WFDC10B: variants seen among roughly 807,000 people sequenced by gnomAD.
WFDC10B encodes the protein protein WFDC10B.
In WFDC10B, 1 loss-of-function variant was observed where a neutral mutation model predicts 2.7. The ratio of observed to expected loss-of-function variants is 0.38; its 90% CI spans 0.13 to 1.79. The LOEUF (loss-of-function observed/expected upper bound fraction) is 1.79, where lower values mean the gene tolerates loss of function less well. WFDC10B is among the 40% of genes most tolerant of loss of function. The pLI, the probability that WFDC10B is intolerant of heterozygous loss-of-function variation, is 0.33. For missense variants in WFDC10B, 71 were observed against 87.8 expected (o/e 0.81, Z 0.76); for synonymous variants, 26 against 32.2 (o/e 0.81, Z 0.65).
intron 2 of WFDC10B, among the ~76,000 whole-genome samples, chr20:45,692,814 T>G (rs1251634330): frequency 6.6e-6 from 1 of 152,230 alleles, no homozygotes; most frequent in African/African-American, 2.4e-5. Context: ...GTCTGAAGCC[T>G]TCTTCTCTCA....
At position 45,685,931 on chromosome 20, in the gene WFDC10B, C is replaced by T. The variant is rs914866617; in HGVS notation, c.62G>A (p.Gly21Glu). 7 of 1,614,152 alleles carry T rather than the reference C, an allele frequency of 4.3e-6. No homozygotes were observed. The highest frequency in any genetic ancestry group is 5.1e-6 in the Non-Finnish European group (6 of 1,180,038). Reference sequence around the variant, plus strand: ...CATCCTCATCTTGTCACGGTATCCTCCCTGGGCCTGCAGCAGCAGCACACA... The same window carrying T: ...CATCCTCATCTTGTCACGGTATCCTTCCTGGGCCTGCAGCAGCAGCACACA... Reference protein sequence around the residue: ...VLCVLLLQAQGGYRDKMRMQR... With the variant: ...VLCVLLLQAQEGYRDKMRMQR... The change falls in exon 3 of 4, where the codon GGA (glycine) becomes GAA (glutamate). Residue 21 changes from glycine (G) to glutamate (E), a missense_variant. By Grantham distance (98) the Gly-to-Glu change is moderately conservative. Transcript: ENST00000330523.
chr20:45,704,643 G>A, intron 1 of WFDC10B, 82 bp from the exon 2 acceptor site: 1 of 1,600,310 alleles, frequency 6.2e-7, no homozygotes, highest in Non-Finnish European at 8.5e-7. Context: ...GCTGGTGGGA[G>A]CCCAGCAGAA....
At chr20:45,704,868 A>G in intron 1 of WFDC10B, 50 bp downstream of exon 1, 1 of 1,587,928 alleles carries the variant, frequency 6.3e-7, no homozygotes, top group Non-Finnish European at 8.6e-7. Flanking sequence ...GCCTTTATCC[A>G]CAGACCTTCC....
At chr20:45,689,434 T>C (rs1277407965) in intron 2 of WFDC10B, among the ~76,000 whole-genome samples, 5 of 152,070 alleles carry the variant, frequency 3.3e-5, no homozygotes, top group African/African-American at 9.7e-5. Flanking sequence ...CCTTGGGCAG[T>C]ATGGCCATTT....
At chr20:45,686,464 C>T (rs891778252) in intron 2 of WFDC10B, among the ~76,000 whole-genome samples, 1 of 151,618 alleles carries the variant, frequency 6.6e-6, no homozygotes, top group East Asian at 1.9e-4. Context: ...TGTTACCTAC[C>T]GTCTGCCACC....
intron 2 of WFDC10B, among the ~76,000 whole-genome samples, chr20:45,697,378 C>CCTT (rs1340438503): frequency 2.1e-5 from 2 of 97,358 alleles, no homozygotes; most frequent in South Asian, 4.6e-4. Context: ...GACATCCCAT[C>CCTT]ATTTTTTTTT....
In WFDC10B at chr20:45,686,049, A is replaced by T. The variant is rs530139660; in HGVS notation, c.-57T>A. ...GCCAGGCAGTCACAGACTTCCCTGC[A>T]GAGCTGCCTGTGGAGAGGGAAGGAA... On this transcript the variant is annotated 5_prime_UTR_variant, in exon 3 of 4. Transcript: ENST00000330523. 1 of 1,591,794 alleles carries T rather than the reference A, an allele frequency of 6.3e-7. No homozygotes were observed. The highest frequency in any genetic ancestry group is 2.3e-5 in the East Asian group (1 of 43,758).
chr20:45,690,018 C>G (rs1983756143), intron 2 of WFDC10B, among the ~76,000 whole-genome samples: 1 of 152,014 alleles, frequency 6.6e-6, no homozygotes, highest in African/African-American at 2.4e-5. Context: ...TACGTCCCAT[C>G]AATACCTAAT....
intron 3 of WFDC10B, 21 bp from the exon 4 acceptor site, chr20:45,684,981 G>C: frequency 6.2e-7 from 1 of 1,613,246 alleles, no homozygotes; most frequent in Non-Finnish European, 8.5e-7. Flanking sequence ...GCAGGAGCAG[G>C]GTCAATGAAA....
At chr20:45,700,582 ATG>A (rs1410438956) in intron 2 of WFDC10B, among the ~76,000 whole-genome samples, 3 of 152,236 alleles carry the variant, frequency 2.0e-5, no homozygotes, top group Non-Finnish European at 2.9e-5. Flanking sequence ...GGATATAAAA[ATG>A]TTATCATCTC....
intron 2 of WFDC10B, among the ~76,000 whole-genome samples, chr20:45,702,992 A>C (rs1984228932): frequency 6.6e-6 from 1 of 152,338 alleles, no homozygotes; most frequent in East Asian, 1.9e-4. Flanking sequence ...AAAGGCATGC[A>C]GGTTTGTAGG....
At chr20:45,702,404 C>T (rs6032445) in intron 2 of WFDC10B, among the ~76,000 whole-genome samples, 89,845 of 152,066 alleles carry the variant, frequency 0.59, 27,596 homozygotes, top group East Asian at 0.98. Flanking sequence ...ATCTGGGCCT[C>T]AGGTTTTTAT....
At chr20:45,699,912 C>A (rs1984098035) in intron 2 of WFDC10B, among the ~76,000 whole-genome samples, 1 of 152,214 alleles carries the variant, frequency 6.6e-6, no homozygotes. Flanking sequence ...CTCCTGACAT[C>A]ATGATCTGCC....
intron 2 of WFDC10B, among the ~76,000 whole-genome samples, chr20:45,699,993 A>T (rs1984101103): frequency 6.6e-6 from 1 of 152,088 alleles, no homozygotes. Context: ...TTATCCTTTT[A>T]ACCAATGATC....
chr20:45,694,574 A>C (rs1314868608), intron 2 of WFDC10B, among the ~76,000 whole-genome samples: 1 of 152,248 alleles, frequency 6.6e-6, no homozygotes, highest in African/African-American at 2.4e-5. Context: ...GCACTACAAA[A>C]TAGTTGGAGA....
intron 2 of WFDC10B, among the ~76,000 whole-genome samples, chr20:45,690,134 G>T (rs112812645): frequency 1.3e-5 from 2 of 152,040 alleles, no homozygotes; most frequent in Non-Finnish European, 1.5e-5. Flanking sequence ...TTATATGCTG[G>T]ATTACATTTA....
Position 45,704,410 on chromosome 20 carries a change from G to A in WFDC10B, c.-65+87C>T, listed in dbSNP as rs375537604. On this transcript the variant is annotated intron_variant, in intron 2 of 3. Coordinates refer to ENST00000330523, the MANE Select transcript of WFDC10B (RefSeq NM_172006.2). ...TTCTGAACATTACTCCAGCCTGTTG[G>A]TGAGGCCCTTCTCTTACTTGTTCTG... is the stretch of plus-strand genomic sequence containing the variant. 1.7e-5 allele frequency: 27 copies of A among 1,594,670 alleles called. No homozygotes were observed. The African/African-American group carries it at 3.6e-4, about 21-fold the overall frequency.
chr20:45,700,577 T>C (rs1249611026), intron 2 of WFDC10B, among the ~76,000 whole-genome samples: 2 of 152,158 alleles, frequency 1.3e-5, no homozygotes, highest in Non-Finnish European at 2.9e-5. Flanking sequence ...TTAAAGGATA[T>C]AAAAATGTTA....
intron 2 of WFDC10B, among the ~76,000 whole-genome samples, chr20:45,692,531 A>G (rs186994269): frequency 4.6e-5 from 7 of 152,144 alleles, no homozygotes. Flanking sequence ...GGCTTTGTTC[A>G]TTTGTTTTTA....
Sources: gnomAD v4.1 joint callset for allele counts (sites outside exome capture counted in the v4.1 genomes callset) on GRCh38, gnomAD v4.1.1 for gene constraint, MANE v1.5 for transcripts, NCBI Gene and HGNC (gene_info 2026-07-23, HGNC 2026-07-21) for gene names.